The following ZMYND8 variants were observed in gnomAD, a reference collection of about 807,000 sequenced individuals.
ZMYND8 encodes zinc finger MYND-type containing 8.
In ZMYND8, 37 loss-of-function variants were observed where a neutral mutation model predicts 140.8. The observed-to-expected ratio is 0.26, with a 90% CI of 0.20 to 0.35. ZMYND8 has a LOEUF of 0.35. Ranked by LOEUF, ZMYND8 falls within the 10% of genes least tolerant of loss-of-function variation. The pLI, the probability that ZMYND8 is intolerant of heterozygous loss-of-function variation, is 1.00. For synonymous variants in ZMYND8, 592 were observed against 597.1 expected (o/e 0.99, Z 0.12); for missense variants, 1,068 against 1,570.0 (o/e 0.68, Z 5.40).
chr20:47,257,799 T>C (rs1011462619), intron 12 of ZMYND8, among the ~76,000 whole-genome samples: 1 of 152,160 alleles, frequency 6.6e-6, no homozygotes, highest in Non-Finnish European at 1.5e-5. Context: ...TGACAACCTA[T>C]GGACTATTTT....
chr20:47,283,603 G>C lies in ZMYND8; in HGVS notation c.850C>G (p.Gln284Glu), dbSNP rs749531826. 1 of 1,614,076 alleles carries C rather than the reference G, an allele frequency of 6.2e-7. No homozygotes were observed. The highest frequency in any genetic ancestry group is 1.1e-5 in the South Asian group (1 of 91,058). Residue 284 changes from glutamine to glutamate, a missense_variant, in exon 9 of 23, where the codon CAA (glutamine) becomes GAA (glutamate). By Grantham distance (29) the Gln-to-Glu change is conservative (BLOSUM62 2). Coordinates refer to ENST00000471951, the MANE Select transcript of ZMYND8 (RefSeq NM_001281775.3). Reference sequence around the variant, plus strand: ...TCACAAAACCAGTTATCTCGTTTTTGGCAAGCAGCTAGATAACATTCTGGA... The same window carrying C: ...TCACAAAACCAGTTATCTCGTTTTTCGCAAGCAGCTAGATAACATTCTGGA... The part of the protein sequence containing the change: ...VCPECYLAAC[Q>E]KRDNWFCEPC...
In ZMYND8 at chr20:47,339,987, G is replaced by A. The variant is rs144446275; in HGVS notation, c.85+7869C>T. ...AGACGGAGTCTCACTCTGTCACCCAGGCTGGAGTGCAGGGGCACGATCTCA... is the reference window on the plus strand; with the variant it reads ...AGACGGAGTCTCACTCTGTCACCCAAGCTGGAGTGCAGGGGCACGATCTCA... On this transcript the variant is annotated intron_variant, in intron 2 of 22. Transcript: ENST00000471951. Among the ~76,000 whole-genome samples the A allele has an allele frequency of 9.5e-4, 144 of 152,038 alleles. 1 individual carries two copies. The East Asian group carries it at 0.026, about 28-fold the overall frequency.
intron 2 of ZMYND8, among the ~76,000 whole-genome samples, chr20:47,335,257 CAAAA>C (rs200716259): frequency 6.8e-6 from 1 of 147,486 alleles, no homozygotes; most frequent in African/African-American, 2.5e-5. Flanking sequence ...AACAAACAAA[CAAAA>C]AAAAAGGAGA....
chr20:47,211,236 C>A (rs548657339), intron 22 of ZMYND8, among the ~76,000 whole-genome samples: 1 of 152,296 alleles, frequency 6.6e-6, no homozygotes, highest in African/African-American at 2.4e-5. Context: ...CTGAACGACA[C>A]CAAGCACCCC....
At chr20:47,355,319 A>C (rs1569270934) in intron 1 of ZMYND8, 1 of 382,350 alleles carries the variant, frequency 2.6e-6, no homozygotes. Context: ...CACTCTTTAA[A>C]AAGCCCTTAT....
At chr20:47,284,345 A>C (rs1235047398) in intron 8 of ZMYND8, among the ~76,000 whole-genome samples, 1 of 152,188 alleles carries the variant, frequency 6.6e-6, no homozygotes, top group East Asian at 1.9e-4. Flanking sequence ...CCCCACCCAC[A>C]GGGATCACAT....
intron 2 of ZMYND8, among the ~76,000 whole-genome samples, chr20:47,334,605 A>ATATATAT (rs1556420980): frequency 1.4e-5 from 2 of 141,704 alleles, no homozygotes; most frequent in Admixed American, 1.4e-4. Flanking sequence ...GAAAAAAAAA[A>ATATATAT]ATATATATAT....
chr20:47,326,141 G>C (rs949001944), intron 2 of ZMYND8, among the ~76,000 whole-genome samples: 3 of 152,166 alleles, frequency 2.0e-5, no homozygotes, highest in Admixed American at 6.5e-5. Flanking sequence ...GTATTTCTTA[G>C]TAGAGACAGG....
chr20:47,250,759 A>G lies in ZMYND8; in HGVS notation c.1622-1320T>C, dbSNP rs188448428. ...GCATACCCAGAAATCAGCTCCTTCA[A>G]AGTAACTAGAAGCAGCCTCCCAAAA... On this transcript the variant is annotated intron_variant, in intron 12 of 22. Coordinates refer to ENST00000471951, the MANE Select transcript of ZMYND8 (RefSeq NM_001281775.3). Among the ~76,000 whole-genome samples the G allele has an allele frequency of 2.6e-3, 391 of 152,312 alleles. 2 individuals are homozygous for G. The highest frequency in any genetic ancestry group is 2.8e-3 in the Non-Finnish European group (193 of 68,022).
intron 14 of ZMYND8, among the ~76,000 whole-genome samples, chr20:47,242,669 G>C (rs908455629): frequency 6.6e-6 from 1 of 152,252 alleles, no homozygotes; most frequent in Non-Finnish European, 1.5e-5. Flanking sequence ...GGGCGGAGGG[G>C]TTACTGCTCT....
In ZMYND8 at chr20:47,348,100, G is replaced by T. The variant is rs1307333918; in HGVS notation, c.15-174C>A. The T allele has an allele frequency of 1.5e-5, 10 of 667,782 alleles. No homozygotes were observed. The East Asian group carries it at 2.7e-4, about 18-fold the overall frequency. 41.4% of individuals were successfully genotyped at this position (667,782 alleles called of 1,614,324 possible). A position where few individuals can be genotyped will look rare whatever the true frequency, so the allele number is the denominator to read the frequency against. On this transcript the variant is annotated intron_variant, in intron 1 of 22. Transcript: ENST00000471951. ...CAACAAAGTGTGAAGAGTCCTAAAGGAGTTTTTTAAAACACTAGGTTGTTC... is the reference window on the plus strand; with the variant it reads ...CAACAAAGTGTGAAGAGTCCTAAAGTAGTTTTTTAAAACACTAGGTTGTTC...
At chr20:47,249,463 G>C (rs200342177) in intron 12 of ZMYND8, 24 bp from the exon 13 acceptor site, 1 of 1,612,312 alleles carries the variant, frequency 6.2e-7, no homozygotes, top group East Asian at 2.2e-5. Context: ...TCACACCCTC[G>C]TAAGATCAGG....
chr20:47,351,594 T>C (rs1249400708), intron 1 of ZMYND8: 21 of 896,662 alleles, frequency 2.3e-5, no homozygotes, highest in Non-Finnish European at 2.5e-5. Flanking sequence ...TCTTCTAGAT[T>C]ACAAAATAGT....
intron 17 of ZMYND8, among the ~76,000 whole-genome samples, chr20:47,228,559 T>C (rs1206814616): frequency 6.6e-6 from 1 of 152,260 alleles, no homozygotes; most frequent in East Asian, 1.9e-4. Context: ...AGCCTTATTC[T>C]TTCCCTTCTT....
intron 1 of ZMYND8, among the ~76,000 whole-genome samples, chr20:47,350,227 C>T (rs1036880355): frequency 6.6e-6 from 1 of 151,680 alleles, no homozygotes; most frequent in African/African-American, 2.4e-5. Flanking sequence ...AGCAAACCAT[C>T]CTTTCAAAAG....
chr20:47,227,122 A>G, intron 18 of ZMYND8, 81 bp downstream of exon 18: 1 of 1,415,066 alleles, frequency 7.1e-7, no homozygotes. Context: ...AATTGCACTC[A>G]CATCTCGGCT....
intron 4 of ZMYND8, 23 bp from the exon 5 acceptor site, chr20:47,294,802 A>C: frequency 6.2e-7 from 1 of 1,604,148 alleles, no homozygotes; most frequent in Admixed American, 1.7e-5. Context: ...AGTCATACAT[A>C]AACGTCCGGT....
rs977663153 is a variant in ZMYND8, at chr20:47,298,334, T to G, written c.453+395A>C. ...AACGTGGTCTTCTCAGCTTGGCTAC[T>G]GCTGATGATTCAATGATGCGGCAGG... On this transcript the variant is annotated intron_variant, in intron 4 of 22. Transcript: ENST00000471951. The surrounding 1 kb of genome is among the most constrained non-coding windows in gnomAD (Gnocchi z 5.0). 1 of 985,262 alleles carries G rather than the reference T, an allele frequency of 1.0e-6. No individual in the cohort carries two copies. The highest frequency in any genetic ancestry group is 1.2e-6 in the Non-Finnish European group (1 of 829,940). The allele number at this position is 985,262 out of a possible 1,614,324, so 61.0% of individuals were successfully genotyped here.
chr20:47,214,008 G>A lies in ZMYND8; in HGVS notation c.3485-1283C>T, dbSNP rs549606430. Among the ~76,000 whole-genome samples, 3 of 152,186 alleles carry A rather than the reference G, an allele frequency of 2.0e-5. No homozygotes were observed. The South Asian group carries it at 6.2e-4, about 32-fold the overall frequency. On this transcript the variant is annotated intron_variant, in intron 21 of 22. Transcript: ENST00000471951. ...TTAAAACGAAAAGATGAACAGGAGA[G>A]GCCCACACACTAAGGGAGCTCATAC...
Sources: allele counts gnomAD v4.1 joint callset (sites outside exome capture counted in the v4.1 genomes callset), GRCh38; gene constraint gnomAD v4.1.1; non-coding constraint Gnocchi (gnomAD v3.1); transcripts MANE v1.5; gene names NCBI Gene and HGNC (gene_info 2026-07-23, HGNC 2026-07-21).